The following CEP112 variants were observed in gnomAD, a reference collection of about 807,000 sequenced individuals.
CEP112 encodes centrosomal protein 112.
A neutral mutation model predicts 153.0 loss-of-function variants in CEP112; 127 were observed. The ratio of observed to expected loss-of-function variants is 0.83; its 90% CI spans 0.72 to 0.96. The LOEUF (loss-of-function observed/expected upper bound fraction) is 0.96. Among genes scored for constraint, CEP112 ranks in the 40% least tolerant of loss-of-function variants. The probability of loss-of-function intolerance (pLI) is 0.00; values close to 1 mark genes in which losing one functional copy is unlikely to be tolerated. For synonymous variants in CEP112, 358 were observed against 374.4 expected (o/e 0.96, Z 0.51); for missense variants, 1,089 against 1,101.2 (o/e 0.99, Z 0.16).
At chr17:65,743,916 G>A (rs942073854) in intron 22 of CEP112, among the ~76,000 whole-genome samples, 2 of 151,194 alleles carry the variant, frequency 1.3e-5, no homozygotes, top group Non-Finnish European at 3.0e-5. Context: ...TGCCCGTCAC[G>A]ATGCCCAGCT....
chr17:65,702,153 G>T (rs1040629808), intron 23 of CEP112, among the ~76,000 whole-genome samples: 1 of 152,090 alleles, frequency 6.6e-6, no homozygotes, highest in Non-Finnish European at 1.5e-5. Context: ...TGGGATTACA[G>T]GCATGAGCCA....
intron 23 of CEP112, among the ~76,000 whole-genome samples, chr17:65,727,718 A>G (rs1346339496): frequency 1.3e-5 from 2 of 152,202 alleles, no homozygotes; most frequent in African/African-American, 2.4e-5. Flanking sequence ...ACTCTGAAAT[A>G]GTAGTGCATC....
chr17:65,982,116 T>C (rs1210539105), intron 17 of CEP112, among the ~76,000 whole-genome samples: 2 of 152,178 alleles, frequency 1.3e-5, no homozygotes, highest in African/African-American at 4.8e-5. Context: ...ATGGAGTATA[T>C]GGAATATTTT....
chr17:65,845,344 T>G (rs2057691293), intron 21 of CEP112, among the ~76,000 whole-genome samples: 1 of 151,950 alleles, frequency 6.6e-6, no homozygotes, highest in Non-Finnish European at 1.5e-5. Context: ...AAAACAAAAT[T>G]TGTTATACCC....
chr17:65,665,835 T>C (rs1173393896), intron 24 of CEP112, among the ~76,000 whole-genome samples: 1 of 152,172 alleles, frequency 6.6e-6, no homozygotes, highest in Non-Finnish European at 1.5e-5. Context: ...GCCAAGGACC[T>C]AGACTTTGTA....
intron 12 of CEP112, among the ~76,000 whole-genome samples, chr17:66,032,632 C>A (rs1018207599): frequency 2.6e-5 from 4 of 152,118 alleles, no homozygotes; most frequent in African/African-American, 9.7e-5. Flanking sequence ...GAGAGAAGAG[C>A]CTCTCTGGAA....
chr17:65,755,535 C>T (rs1276690650), intron 21 of CEP112, among the ~76,000 whole-genome samples: 2 of 151,696 alleles, frequency 1.3e-5, no homozygotes, highest in Non-Finnish European at 2.9e-5. Flanking sequence ...TTTAATAAGG[C>T]CACTCCAGCT....
chr17:65,885,589 C>G (rs1203933889), intron 20 of CEP112, among the ~76,000 whole-genome samples: 2 of 152,188 alleles, frequency 1.3e-5, no homozygotes, highest in Admixed American at 6.5e-5. Context: ...AAAAGAGAAG[C>G]TGCATCTTCA....
At chr17:65,970,114 C>T (rs952994130) in intron 17 of CEP112, among the ~76,000 whole-genome samples, 2 of 152,212 alleles carry the variant, frequency 1.3e-5, no homozygotes, top group African/African-American at 4.8e-5. Flanking sequence ...ATAGCACATG[C>T]ATATCGCATG....
chr17:65,772,764 G>A (rs185895324), intron 21 of CEP112, among the ~76,000 whole-genome samples: 1 of 152,170 alleles, frequency 6.6e-6, no homozygotes, highest in Admixed American at 6.5e-5. Flanking sequence ...AGACAGATGA[G>A]TGAATAAATA....
chr17:65,714,901 G>A (rs1349032298), intron 23 of CEP112, among the ~76,000 whole-genome samples: 1 of 152,102 alleles, frequency 6.6e-6, no homozygotes, highest in Non-Finnish European at 1.5e-5. Flanking sequence ...GTGGGGAGCA[G>A]TTGAAAGCTT....
At chr17:65,859,925 G>C (rs1043971669) in intron 20 of CEP112, among the ~76,000 whole-genome samples, 2 of 147,440 alleles carry the variant, frequency 1.4e-5, no homozygotes, top group Admixed American at 6.9e-5. Flanking sequence ...TGAGGCAGGA[G>C]AATCTCTTTA....
At chr17:65,740,223 T>C (rs935951751) in intron 23 of CEP112, among the ~76,000 whole-genome samples, 3 of 152,202 alleles carry the variant, frequency 2.0e-5, no homozygotes, top group African/African-American at 4.8e-5. Context: ...GTGTATTTGC[T>C]ATAGTTAAAA....
intron 24 of CEP112, among the ~76,000 whole-genome samples, chr17:65,673,674 A>G (rs2047090259): frequency 2.0e-5 from 3 of 152,186 alleles, no homozygotes; most frequent in Admixed American, 6.5e-5. Flanking sequence ...ATAAGAAAAT[A>G]AAAGAGAATA....
At chr17:65,949,242 G>A (rs555176211) in intron 18 of CEP112, among the ~76,000 whole-genome samples, 46 of 152,286 alleles carry the variant, frequency 3.0e-4, no homozygotes, top group Non-Finnish European at 5.0e-4. Flanking sequence ...TAGCTATAAG[G>A]ATTATGTTCT....
At chr17:66,137,380 G>T (rs900651131) in intron 4 of CEP112, among the ~76,000 whole-genome samples, 2 of 151,870 alleles carry the variant, frequency 1.3e-5, no homozygotes, top group Admixed American at 1.3e-4. Context: ...TATTACTAAA[G>T]TTAGAGAAAG....
At chr17:65,999,540 T>TATA (rs1480188430) in intron 17 of CEP112, among the ~76,000 whole-genome samples, 2 of 150,246 alleles carry the variant, frequency 1.3e-5, no homozygotes, top group Non-Finnish European at 3.0e-5. Flanking sequence ...TACTCATTAT[T>TATA]TGAGTGATAT....
At chr17:65,936,721 CA>C (rs2061317769) in intron 18 of CEP112, among the ~76,000 whole-genome samples, 1 of 151,570 alleles carries the variant, frequency 6.6e-6, no homozygotes, top group African/African-American at 2.4e-5. Flanking sequence ...AATCACTTGC[CA>C]AAATTCAACA....
At chr17:65,682,950 A>G (rs1356595792) in intron 24 of CEP112, among the ~76,000 whole-genome samples, 1 of 152,224 alleles carries the variant, frequency 6.6e-6, no homozygotes, top group Admixed American at 6.5e-5. Flanking sequence ...CCCTGTGGGA[A>G]GATATTTTAC....
Sources: allele counts gnomAD v4.1 joint callset (sites outside exome capture counted in the v4.1 genomes callset), GRCh38; gene constraint gnomAD v4.1.1; transcripts MANE v1.5; gene names NCBI Gene and HGNC (gene_info 2026-07-23, HGNC 2026-07-21).